The following CABIN1 variants were observed in gnomAD, a reference collection of about 807,000 sequenced individuals.
CABIN1 encodes the protein calcineurin-binding protein cabin-1.
A neutral mutation model predicts 227.7 loss-of-function variants in CABIN1; 133 were observed. That is an observed-to-expected ratio of 0.58 (90% CI 0.51 to 0.67). The LOEUF (loss-of-function observed/expected upper bound fraction) is 0.67. Ranked by LOEUF, CABIN1 falls within the 30% of genes least tolerant of loss-of-function variation. The pLI is 0.00. For synonymous variants in CABIN1, 1,086 were observed against 1,155.1 expected, an observed-to-expected ratio of 0.94 and a Z score of 1.21; for missense variants, 2,408 against 2,852.5, an observed-to-expected ratio of 0.84 and a Z score of 3.55.
At chr22:24,119,232 A>G (rs377292597) in intron 27 of CABIN1, 135 bp from the exon 28 acceptor site, 4 of 794,748 alleles carry the variant, frequency 5.0e-6, no homozygotes, top group South Asian at 4.3e-5. Flanking sequence ...TGCTGGGTCC[A>G]GCATCCACTC....
At chr22:24,176,006 C>G (rs2148824306) in intron 34 of CABIN1, 105 bp from the exon 35 acceptor site, 1 of 1,337,446 alleles carries the variant, frequency 7.5e-7, no homozygotes, top group Non-Finnish European at 1.0e-6. Flanking sequence ...ACTCCCCTGC[C>G]CAGTGTCCCA....
rs139718962 is a variant in CABIN1, at chr22:24,119,626, G to T, written c.4560G>T (p.Leu1520=). The T allele has an allele frequency of 6.2e-7, 1 of 1,613,892 alleles. No homozygotes were observed. Among genetic ancestry groups the T allele is most frequent in the Non-Finnish European group, 8.5e-7 (1 of 1,179,968 alleles). Residue 1520 remains leucine (L), a synonymous_variant, in exon 28 of 37, where the codon CTG becomes CTT. Coordinates refer to ENST00000263119, the MANE Select transcript of CABIN1 (RefSeq NM_012295.4). ...GCATCGCCTCCTTCCGCCTGTGCCT[G>T]AGCCGCTTCCCCCAGCACTATAAGA... ...EQCIASFRLC[L]SRFPQHYKSL...
intron 4 of CABIN1, 72 bp from the exon 5 acceptor site, chr22:24,041,067 G>A: frequency 2.5e-6 from 4 of 1,597,494 alleles, no homozygotes; most frequent in East Asian, 2.2e-5. Context: ...CAGCCTGGAA[G>A]CCAAGTATCC....
chr22:24,029,428 T>C (rs549619770), intron 1 of CABIN1, among the ~76,000 whole-genome samples: 159 of 152,278 alleles, frequency 1.0e-3, no homozygotes, highest in African/African-American at 3.7e-3. Flanking sequence ...GCCATGCATT[T>C]GCAGTCCCAG....
At chr22:24,041,410 T>C (rs958400548) in intron 5 of CABIN1, 137 bp downstream of exon 5, 2 of 1,073,094 alleles carry the variant, frequency 1.9e-6, no homozygotes, top group Non-Finnish European at 2.8e-6. Flanking sequence ...GGCTCTAGGG[T>C]AGGTCCATAG....
intron 6 of CABIN1, among the ~76,000 whole-genome samples, chr22:24,048,300 C>T (rs1372176523): frequency 6.6e-6 from 1 of 152,144 alleles, no homozygotes; most frequent in Non-Finnish European, 1.5e-5. Context: ...GTATCTTGGC[C>T]TTCTTTCTGG....
intron 26 of CABIN1, among the ~76,000 whole-genome samples, chr22:24,099,310 C>A (rs776377262): frequency 5.3e-5 from 8 of 152,154 alleles, no homozygotes; most frequent in Admixed American, 1.3e-4. Context: ...TGCTCCATTT[C>A]TCTGGGGGCA....
chr22:24,073,351 T>G (rs929696224), intron 18 of CABIN1, among the ~76,000 whole-genome samples: 5 of 152,224 alleles, frequency 3.3e-5, no homozygotes, highest in African/African-American at 1.2e-4. Flanking sequence ...TATTGATGCT[T>G]GTATTCAACT....
chr22:24,030,444 T>G (rs2036417601), intron 1 of CABIN1, among the ~76,000 whole-genome samples: 1 of 152,178 alleles, frequency 6.6e-6, no homozygotes, highest in Non-Finnish European at 1.5e-5. Flanking sequence ...TCAAGTGAGA[T>G]AATGTGAATG....
intron 1 of CABIN1, among the ~76,000 whole-genome samples, chr22:24,014,420 A>AT (rs34439629): frequency 0.26 from 38,161 of 144,190 alleles, 5,575 homozygotes; most frequent in African/African-American, 0.41. Flanking sequence ...ACTGGCCCTC[A>AT]TTTTTTTTTT....
chr22:24,015,415 G>T (rs1401980821), intron 1 of CABIN1, among the ~76,000 whole-genome samples: 1 of 150,402 alleles, frequency 6.6e-6, no homozygotes, highest in Non-Finnish European at 1.5e-5. Context: ...CGCTATCTCG[G>T]CTCACTGCAA....
intron 26 of CABIN1, 40 bp from the exon 27 acceptor site, chr22:24,113,526 G>A: frequency 6.3e-7 from 1 of 1,597,784 alleles, no homozygotes; most frequent in South Asian, 1.1e-5. Flanking sequence ...AGGTGGTGTA[G>A]GTTAATGCTC....
intron 27 of CABIN1, among the ~76,000 whole-genome samples, chr22:24,117,414 A>G (rs1192020233): frequency 1.3e-5 from 2 of 152,076 alleles, no homozygotes; most frequent in African/African-American, 4.8e-5. Flanking sequence ...GCCCCAGGCT[A>G]GTCTCAAACT....
chr22:24,054,795 A>T, intron 8 of CABIN1, 78 bp from the exon 9 acceptor site: 1 of 1,588,430 alleles, frequency 6.3e-7, no homozygotes, highest in Non-Finnish European at 8.6e-7. Context: ...GCCTCTGTGC[A>T]GGCAGGCCAT....
chr22:24,172,046 G>A (rs1275835868), intron 34 of CABIN1, 51 bp downstream of exon 34: 2 of 1,579,160 alleles, frequency 1.3e-6, no homozygotes, highest in East Asian at 4.6e-5. Flanking sequence ...CCACCATCAA[G>A]TCCTCCCTGC....
intron 29 of CABIN1, among the ~76,000 whole-genome samples, chr22:24,140,961 C>G (rs1480708562): frequency 6.6e-6 from 1 of 152,224 alleles, no homozygotes; most frequent in Non-Finnish European, 1.5e-5. Context: ...CCCAGCCACT[C>G]TACCCCTTAC....
chr22:24,043,028 A>G lies in CABIN1; in HGVS notation c.470A>G (p.His157Arg). 5 of 1,614,020 alleles carry G rather than the reference A, an allele frequency of 3.1e-6. No homozygotes were observed. The highest frequency in any genetic ancestry group is 4.2e-6 in the Non-Finnish European group (5 of 1,179,988). The stretch of plus-strand genomic sequence containing the variant: ...GAAGGGCTGCGGTGCAATCCTGACC[A>G]CTGGCCCTGTTTGGATAACCTAATC... Reference protein sequence around the residue: ...FEEGLRCNPDHWPCLDNLITV... With the variant: ...FEEGLRCNPDRWPCLDNLITV... The change falls in exon 6 of 37, where the codon CAC (histidine) becomes CGC (arginine). Residue 157 changes from histidine to arginine, a missense_variant. Physicochemically the swap from His to Arg is conservative, Grantham distance 29 (BLOSUM62 0). This residue lies in a region of CABIN1 where 1,045 missense variants were observed against 1,168.4 expected (regional missense o/e 0.89). Coordinates refer to ENST00000263119, the MANE Select transcript of CABIN1 (RefSeq NM_012295.4).
At chr22:24,067,293 G>C in intron 16 of CABIN1, 112 bp downstream of exon 16, 1 of 1,139,040 alleles carries the variant, frequency 8.8e-7, no homozygotes, top group Non-Finnish European at 1.3e-6. Flanking sequence ...CTAGAAGAGA[G>C]TGGATGTCAA....
At chr22:24,071,552 A>G (rs1347660665) in intron 17 of CABIN1, among the ~76,000 whole-genome samples, 3 of 151,030 alleles carry the variant, frequency 2.0e-5, no homozygotes, top group African/African-American at 7.3e-5. Context: ...CTATATCCTC[A>G]CCCCTCCAGC....
Sources: gnomAD v4.1 joint callset for allele counts (sites outside exome capture counted in the v4.1 genomes callset) on GRCh38, gnomAD v4.1.1 for gene constraint, gnomAD v4.1.1 regional missense constraint, MANE v1.5 for transcripts, NCBI Gene and HGNC (gene_info 2026-07-23, HGNC 2026-07-21) for gene names.